UBE2N: variants seen among roughly 807,000 people sequenced by gnomAD.
The protein encoded by UBE2N is ubiquitin-conjugating enzyme E2 N.
For synonymous variants in UBE2N, 70 were observed against 69.2 expected, an observed-to-expected ratio of 1.01 and a Z score of -0.06; for missense variants, 60 against 192.1, an observed-to-expected ratio of 0.31 and a Z score of 4.07.
intron 1 of UBE2N, among the ~76,000 whole-genome samples, chr12:93,423,626 A>G (rs577330395): frequency 1.7e-4 from 26 of 152,322 alleles, no homozygotes; most frequent in Non-Finnish European, 3.7e-4. Flanking sequence ...TTCCAATTTT[A>G]ATTGTACCAA....
At chr12:93,412,264 C>T (rs886096805) in intron 1 of UBE2N, among the ~76,000 whole-genome samples, 2 of 152,326 alleles carry the variant, frequency 1.3e-5, no homozygotes, top group African/African-American at 4.8e-5. Flanking sequence ...GCATCTCCAT[C>T]CCCATCCTCA....
intron 1 of UBE2N, among the ~76,000 whole-genome samples, chr12:93,416,288 A>G (rs1221161777): frequency 6.6e-6 from 1 of 152,246 alleles, no homozygotes; most frequent in Non-Finnish European, 1.5e-5. Flanking sequence ...TAAAAAGGCA[A>G]AAACTGGCTA....
In UBE2N at chr12:93,439,311, A is replaced by G. The variant is rs569019086; in HGVS notation, c.30+2544T>C. On this transcript the variant is annotated intron_variant, in intron 1 of 3. Transcript: ENST00000318066. ...AGACCAGCCTGGGCAACATGGCGAAACCCCGTCCCTACAAAAATTAGCTGG... is the reference window on the plus strand; with the variant it reads ...AGACCAGCCTGGGCAACATGGCGAAGCCCCGTCCCTACAAAAATTAGCTGG... Among the ~76,000 whole-genome samples, 22 of 152,136 alleles carry G rather than the reference A, an allele frequency of 1.4e-4. 1 individual carries two copies. In the South Asian group the frequency reaches 2.5e-3, roughly 17 times the overall value.
At chr12:93,438,602 T>A (rs1193821525) in intron 1 of UBE2N, among the ~76,000 whole-genome samples, 1 of 150,116 alleles carries the variant, frequency 6.7e-6, no homozygotes, top group Non-Finnish European at 1.5e-5. Flanking sequence ...GATTCTAATG[T>A]AAGTGTGATG....
In UBE2N at chr12:93,411,661, A is replaced by G. The variant is rs1176202128; in HGVS notation, c.31-362T>C. ...TCAACCAAAACCAAGCTATTTAAAA[A>G]GTAAAATTAGCTTTTTTGGTGGTTT... On this transcript the variant is annotated intron_variant, in intron 1 of 3. Transcript: ENST00000318066. 2.0e-5 allele frequency among the ~76,000 whole-genome samples: 3 copies of G among 152,196 alleles called. No homozygotes were observed. The East Asian group carries it at 5.8e-4, about 29-fold the overall frequency.
chr12:93,434,978 T>A (rs1878889759), intron 1 of UBE2N, among the ~76,000 whole-genome samples: 1 of 151,992 alleles, frequency 6.6e-6, no homozygotes, highest in Non-Finnish European at 1.5e-5. Flanking sequence ...CACTAATAGC[T>A]CACTGCAGCC....
chr12:93,409,972 T>G lies in UBE2N; in HGVS notation c.*67A>C, dbSNP rs529954161. On this transcript the variant is annotated 3_prime_UTR_variant, in exon 4 of 4. Transcript: ENST00000318066. ...TGTTTCTAAGACTGTGTCCATTAAA[T>G]GCAAACAAAGAGGAGGAAGTCTTGG... 2.6e-6 allele frequency: 4 copies of G among 1,519,040 alleles called. No individual in the cohort carries two copies. Among genetic ancestry groups the G allele is most frequent in the Non-Finnish European group, 3.6e-6 (4 of 1,097,936 alleles). The allele number at this position is 1,519,040 out of a possible 1,614,324, so 94.1% of individuals were successfully genotyped here. A position where few individuals can be genotyped will look rare whatever the true frequency, so the allele number is the denominator to read the frequency against.
intron 1 of UBE2N, among the ~76,000 whole-genome samples, chr12:93,432,803 C>G (rs984601292): frequency 1.3e-5 from 2 of 152,088 alleles, no homozygotes; most frequent in African/African-American, 4.8e-5. Flanking sequence ...GATTCTGAAA[C>G]CAGTATCTAA....
intron 1 of UBE2N, 144 bp downstream of exon 1, chr12:93,441,711 T>C: frequency 8.7e-7 from 1 of 1,151,850 alleles, no homozygotes; most frequent in Non-Finnish European, 1.2e-6. Context: ...CCGACTTCCC[T>C]CGCCGCCGCG....
intron 1 of UBE2N, among the ~76,000 whole-genome samples, chr12:93,411,956 T>C (rs1382697262): frequency 2.0e-5 from 3 of 152,226 alleles, no homozygotes; most frequent in African/African-American, 7.2e-5. Context: ...CTTCCCAAAG[T>C]GCTGAGATTA....
chr12:93,440,518 A>G (rs1879066755), intron 1 of UBE2N, among the ~76,000 whole-genome samples: 1 of 152,246 alleles, frequency 6.6e-6, no homozygotes, highest in Non-Finnish European at 1.5e-5. Context: ...CATCTCAGAT[A>G]TATTTAAATG....
At position 93,407,049 on chromosome 12, in the gene UBE2N, TG is replaced by T. The variant is rs1478011009; in HGVS notation, c.*2989del. 3 of 152,224 alleles carry T rather than the reference TG, an allele frequency of 2.0e-5. No individual in the cohort carries two copies. The highest frequency in any genetic ancestry group is 2.9e-5 in the Non-Finnish European group (2 of 68,044). The allele number at this position is 152,224 out of a possible 1,614,324, so 9.4% of individuals were successfully genotyped here. ...TTTAAATAAAGACTGGGTCCCACTA[TG>T]TTAGCCAGGCTGGTCACAAACTCCT... On this transcript the variant is annotated 3_prime_UTR_variant, in exon 4 of 4. Coordinates refer to ENST00000318066, the MANE Select transcript of UBE2N (RefSeq NM_003348.4).
Position 93,410,774 on chromosome 12 carries a change from C to T in UBE2N, c.378G>A (p.Ala126=), listed in dbSNP as rs780652323. 17 of 1,614,174 alleles carry T rather than the reference C, an allele frequency of 1.1e-5. No homozygotes were observed. The highest frequency in any genetic ancestry group is 1.7e-4 in the Middle Eastern group (1 of 6,060). ...GGGCTTCGTTGGTCTTCCACTGCTC[C>T]GCTACATCATTTGCTAATGGATCAT... ...NPDDPLANDV[A]EQWKTNEAQA... Residue 126 remains alanine (A), a synonymous_variant, in exon 3 of 4, where the codon GCG becomes GCA. Coordinates refer to ENST00000318066, the MANE Select transcript of UBE2N (RefSeq NM_003348.4).
chr12:93,439,323 C>T (rs1425893051), intron 1 of UBE2N, among the ~76,000 whole-genome samples: 1 of 152,116 alleles, frequency 6.6e-6, no homozygotes, highest in Non-Finnish European at 1.5e-5. Context: ...CCCGTCCCTA[C>T]AAAAATTAGC....
intron 3 of UBE2N, 59 bp from the exon 4 acceptor site, chr12:93,410,138 A>G: frequency 6.5e-7 from 1 of 1,533,722 alleles, no homozygotes; most frequent in African/African-American, 1.4e-5. Flanking sequence ...GTTACTTTCC[A>G]AACTATAAAT....
Position 93,405,757 on chromosome 12 carries a change from T to C in UBE2N, c.*4282A>G, listed in dbSNP as rs1877775126. 6.6e-6 allele frequency: 1 copy of C among 152,230 alleles called. No homozygotes were observed. The highest frequency in any genetic ancestry group is 2.4e-5 in the African/African-American group (1 of 41,460). 9.4% of individuals were successfully genotyped at this position (152,230 alleles called of 1,614,324 possible). A position where few individuals can be genotyped will look rare whatever the true frequency, so the allele number is the denominator to read the frequency against. On this transcript the variant is annotated 3_prime_UTR_variant, in exon 4 of 4. Transcript: ENST00000318066. ...ATTACATTCAGCATGTTTTGCTTTTTATGTTATTTAAAGTATAAACCCTCA... is the reference window on the plus strand; with the variant it reads ...ATTACATTCAGCATGTTTTGCTTTTCATGTTATTTAAAGTATAAACCCTCA...
intron 1 of UBE2N, among the ~76,000 whole-genome samples, chr12:93,433,890 A>G (rs1280466612): frequency 6.6e-6 from 1 of 152,228 alleles, no homozygotes; most frequent in African/African-American, 2.4e-5. Flanking sequence ...ACTATCCTAT[A>G]AGGTATAGGG....
At chr12:93,437,260 A>G (rs907884487) in intron 1 of UBE2N, among the ~76,000 whole-genome samples, 6 of 151,930 alleles carry the variant, frequency 3.9e-5, no homozygotes, top group Non-Finnish European at 7.4e-5. Context: ...AGATCACCTG[A>G]TATTAGGAAT....
At chr12:93,439,334 T>G (rs1309253140) in intron 1 of UBE2N, among the ~76,000 whole-genome samples, 2 of 152,004 alleles carry the variant, frequency 1.3e-5, no homozygotes, top group African/African-American at 4.8e-5. Context: ...AAAAATTAGC[T>G]GGGTGTGGTG....
Sources: allele counts gnomAD v4.1 joint callset (sites outside exome capture counted in the v4.1 genomes callset), GRCh38; gene constraint gnomAD v4.1.1; transcripts MANE v1.5; gene names NCBI Gene and HGNC (gene_info 2026-07-23, HGNC 2026-07-21).